DSCAM: variants seen among roughly 807,000 people sequenced by gnomAD.
DSCAM encodes the protein DS cell adhesion molecule, also known as cell adhesion molecule DSCAM.
In DSCAM, 47 loss-of-function variants were observed where a neutral mutation model predicts 217.7. That is an observed-to-expected ratio of 0.22 (90% CI 0.17 to 0.28). The LOEUF is 0.28. Among genes scored for constraint, DSCAM ranks in the 10% least tolerant of loss-of-function variants. The pLI is 1.00. For synonymous variants in DSCAM, 1,056 were observed against 1,015.3 expected (o/e 1.04, Z -0.76); for missense variants, 2,080 against 2,618.3 (o/e 0.79, Z 4.49).
chr21:40,738,823 C>T (rs776294359), intron 1 of DSCAM, among the ~76,000 whole-genome samples: 7 of 152,204 alleles, frequency 4.6e-5, no homozygotes, highest in Non-Finnish European at 1.0e-4. Context: ...AACACACTTC[C>T]TGCTTCACTA....
intron 20 of DSCAM, among the ~76,000 whole-genome samples, chr21:40,105,284 T>G (rs955182044): frequency 1.3e-5 from 2 of 152,142 alleles, no homozygotes; most frequent in African/African-American, 2.4e-5. Context: ...GAAATATAGC[T>G]TCAACAGAAA....
chr21:40,346,955 A>G (rs1381019962), intron 6 of DSCAM, among the ~76,000 whole-genome samples: 1 of 152,148 alleles, frequency 6.6e-6, no homozygotes, highest in African/African-American at 2.4e-5. Flanking sequence ...AACTTGGAGG[A>G]AGGTGCTCCT....
intron 3 of DSCAM, among the ~76,000 whole-genome samples, chr21:40,648,540 G>A (rs906808777): frequency 2.6e-5 from 4 of 152,110 alleles, no homozygotes; most frequent in African/African-American, 9.7e-5. Context: ...CCACAGACTG[G>A]ATTGAGAACC....
At chr21:40,225,758 A>G (rs2091327456) in intron 11 of DSCAM, among the ~76,000 whole-genome samples, 1 of 152,136 alleles carries the variant, frequency 6.6e-6, no homozygotes, top group South Asian at 2.1e-4. Context: ...CAAAGGTAAC[A>G]ATACTTTTCC....
intron 3 of DSCAM, among the ~76,000 whole-genome samples, chr21:40,481,244 C>T (rs1193843312): frequency 6.6e-6 from 1 of 152,180 alleles, no homozygotes; most frequent in Non-Finnish European, 1.5e-5. Flanking sequence ...AATCCCAGCA[C>T]TTTGGGAGGC....
At chr21:40,196,831 G>A (rs2146847151) in intron 11 of DSCAM, among the ~76,000 whole-genome samples, 1 of 152,270 alleles carries the variant, frequency 6.6e-6, no homozygotes, top group South Asian at 2.1e-4. Flanking sequence ...CATACGACAT[G>A]ATGGAATAAA....
intron 16 of DSCAM, among the ~76,000 whole-genome samples, chr21:40,152,369 G>T (rs369938219): frequency 2.6e-5 from 4 of 152,154 alleles, no homozygotes; most frequent in Non-Finnish European, 4.4e-5. Flanking sequence ...TCCTTGTTAG[G>T]TTTCTCACAC....
At chr21:40,618,564 G>A (rs2089436348) in intron 3 of DSCAM, 1 of 151,778 alleles carries the variant, frequency 6.6e-6, no homozygotes, top group Admixed American at 6.6e-5. Context: ...TTTGTGCTTT[G>A]TCAAATAATA....
At chr21:40,183,894 T>C (rs1319513991) in intron 14 of DSCAM, among the ~76,000 whole-genome samples, 6 of 152,234 alleles carry the variant, frequency 3.9e-5, no homozygotes, top group Non-Finnish European at 7.3e-5. Context: ...AAAACAGATG[T>C]TGAGAGTCAA....
chr21:40,650,168 A>G (rs2089995697), intron 3 of DSCAM, among the ~76,000 whole-genome samples: 1 of 152,192 alleles, frequency 6.6e-6, no homozygotes, highest in African/African-American at 2.4e-5. Context: ...TCAAATGCCC[A>G]AAACAAAAAC....
At chr21:40,830,333 T>G (rs2410293) in intron 1 of DSCAM, among the ~76,000 whole-genome samples, 1 of 151,488 alleles carries the variant, frequency 6.6e-6, no homozygotes, top group Non-Finnish European at 1.5e-5. Flanking sequence ...CTCCCTATCA[T>G]GAAGCACAGC....
chr21:40,172,107 A>G (rs761881501), intron 15 of DSCAM, among the ~76,000 whole-genome samples: 2 of 152,178 alleles, frequency 1.3e-5, no homozygotes, highest in African/African-American at 4.8e-5. Context: ...GGTCTCTACT[A>G]AAAATACACA....
chr21:40,242,304 C>T (rs541640923), intron 11 of DSCAM, among the ~76,000 whole-genome samples: 38 of 152,284 alleles, frequency 2.5e-4, no homozygotes, highest in East Asian at 1.5e-3. Flanking sequence ...CACATGTTTC[C>T]GCTCATCTAC....
intron 3 of DSCAM, among the ~76,000 whole-genome samples, chr21:40,624,488 T>C (rs2089571015): frequency 6.6e-6 from 1 of 152,108 alleles, no homozygotes; most frequent in Non-Finnish European, 1.5e-5. Flanking sequence ...ATTACCAAAG[T>C]AGGAAAACAG....
At chr21:40,352,958 C>T (rs2074649021) in intron 5 of DSCAM, among the ~76,000 whole-genome samples, 1 of 152,248 alleles carries the variant, frequency 6.6e-6, no homozygotes, top group Non-Finnish European at 1.5e-5. Context: ...TAATACTAGG[C>T]ACAAGTCTAA....
At chr21:40,176,090 C>T (rs1449791757) in intron 15 of DSCAM, among the ~76,000 whole-genome samples, 1 of 151,974 alleles carries the variant, frequency 6.6e-6, no homozygotes, top group East Asian at 1.9e-4. Context: ...CTGTCCTGAG[C>T]TGAGTAGTCC....
At chr21:40,185,545 T>C (rs2090885362) in intron 14 of DSCAM, among the ~76,000 whole-genome samples, 1 of 152,162 alleles carries the variant, frequency 6.6e-6, no homozygotes, top group Non-Finnish European at 1.5e-5. Flanking sequence ...ACCAACAGCA[T>C]GGGCAGCCTG....
At chr21:40,723,228 T>C (rs1383964946) in intron 1 of DSCAM, among the ~76,000 whole-genome samples, 1 of 152,086 alleles carries the variant, frequency 6.6e-6, no homozygotes, top group Non-Finnish European at 1.5e-5. Flanking sequence ...ACAGCTGTCA[T>C]ACACTAGGGT....
At chr21:40,754,570 C>G (rs2091258006) in intron 1 of DSCAM, among the ~76,000 whole-genome samples, 1 of 152,186 alleles carries the variant, frequency 6.6e-6, no homozygotes, top group Non-Finnish European at 1.5e-5. Flanking sequence ...GAAAGCCTAG[C>G]TAGCTGAGGT....
Sources: gnomAD v4.1 joint callset for allele counts (sites outside exome capture counted in the v4.1 genomes callset) on GRCh38, gnomAD v4.1.1 for gene constraint, MANE v1.5 for transcripts, NCBI Gene and HGNC (gene_info 2026-07-23, HGNC 2026-07-21) for gene names.